The following NELL1 variants were observed in gnomAD, a reference collection of about 807,000 sequenced individuals.
NELL1 encodes the protein protein kinase C-binding protein NELL1.
NELL1 carries 76 observed loss-of-function variants against 107.4 expected under a neutral mutation model. That is an observed-to-expected ratio of 0.71 (90% CI 0.59 to 0.86). The LOEUF (loss-of-function observed/expected upper bound fraction) is 0.86. Among genes scored for constraint, NELL1 ranks in the 40% least tolerant of loss-of-function variants. The probability of loss-of-function intolerance (pLI) is 0.00; values close to 1 mark genes in which losing one functional copy is unlikely to be tolerated. For missense variants in NELL1, 1,024 were observed against 1,005.5 expected (o/e 1.02, Z -0.25); for synonymous variants, 353 against 341.2 (o/e 1.03, Z -0.38).
At chr11:21,501,923 T>C (rs1855154693) in intron 15 of NELL1, among the ~76,000 whole-genome samples, 3 of 152,198 alleles carry the variant, frequency 2.0e-5, no homozygotes, top group Admixed American at 1.3e-4. Context: ...GTTTAATCTG[T>C]TCTATTACCA....
intron 2 of NELL1, among the ~76,000 whole-genome samples, chr11:20,723,392 A>G (rs541199551): frequency 1.3e-5 from 2 of 152,304 alleles, no homozygotes; most frequent in African/African-American, 4.8e-5. Flanking sequence ...TCCAAATGGG[A>G]GACATTGGCC....
chr11:21,015,020 T>G (rs1344717682), intron 12 of NELL1, among the ~76,000 whole-genome samples: 1 of 152,146 alleles, frequency 6.6e-6, no homozygotes. Context: ...TTCACTGACT[T>G]GAACTTTGTT....
intron 13 of NELL1, among the ~76,000 whole-genome samples, chr11:21,205,717 A>G (rs891377512): frequency 1.5e-4 from 23 of 152,112 alleles, no homozygotes; most frequent in African/African-American, 5.3e-4. Context: ...CGTCCAGTTT[A>G]TATTTTTCTT....
intron 15 of NELL1, among the ~76,000 whole-genome samples, chr11:21,428,182 G>T (rs1590925312): frequency 6.6e-6 from 1 of 152,054 alleles, no homozygotes; most frequent in African/African-American, 2.4e-5. Flanking sequence ...AGGGAAGGAA[G>T]GGAGGGTTAA....
chr11:21,329,139 A>G (rs1037592833), intron 14 of NELL1, among the ~76,000 whole-genome samples: 5 of 152,138 alleles, frequency 3.3e-5, no homozygotes, highest in Non-Finnish European at 5.9e-5. Flanking sequence ...CTGTATCCTT[A>G]CCCAAATCTC....
At chr11:20,848,853 T>G (rs551193752) in intron 4 of NELL1, among the ~76,000 whole-genome samples, 1 of 152,342 alleles carries the variant, frequency 6.6e-6, no homozygotes, top group African/African-American at 2.4e-5. Context: ...AAGGGAAGGT[T>G]TGCCATCTTG....
At chr11:21,566,725 C>G (rs1856982771) in intron 17 of NELL1, among the ~76,000 whole-genome samples, 1 of 151,860 alleles carries the variant, frequency 6.6e-6, no homozygotes. Context: ...GCTCCATACT[C>G]TCCCCAAATT....
chr11:21,035,537 C>G lies in NELL1; in HGVS notation c.1300+74977C>G, dbSNP rs148602959. 4.9e-3 allele frequency among the ~76,000 whole-genome samples: 736 copies of G among 151,184 alleles called. 6 individuals carry two copies. The highest frequency in any genetic ancestry group is 0.016 in the African/African-American group (660 of 41,230). ...AGCACATCAGAAAGCTTATTCACCA[C>G]GATCAAGTAGGCTTTTTCCCTCGAA... On this transcript the variant is annotated intron_variant, in intron 12 of 19. Coordinates refer to ENST00000357134, the MANE Select transcript of NELL1 (RefSeq NM_006157.5).
chr11:20,861,015 A>C (rs986549421), intron 4 of NELL1, among the ~76,000 whole-genome samples: 6 of 152,218 alleles, frequency 3.9e-5, no homozygotes, highest in African/African-American at 1.4e-4. Flanking sequence ...GCCTCATTCA[A>C]GCCCATTAGA....
chr11:21,362,497 T>C (rs1851099965), intron 14 of NELL1, among the ~76,000 whole-genome samples: 1 of 152,210 alleles, frequency 6.6e-6, no homozygotes, highest in Non-Finnish European at 1.5e-5. Context: ...AGTTGTCACA[T>C]AGACACCCTT....
intron 2 of NELL1, among the ~76,000 whole-genome samples, chr11:20,680,837 T>G: frequency 6.6e-6 from 1 of 152,204 alleles, no homozygotes; most frequent in East Asian, 1.9e-4. Flanking sequence ...TCTTTCATTG[T>G]GTCCTCTCTC....
intron 13 of NELL1, among the ~76,000 whole-genome samples, chr11:21,144,896 T>C (rs1286894461): frequency 6.6e-6 from 1 of 152,202 alleles, no homozygotes; most frequent in African/African-American, 2.4e-5. Flanking sequence ...GTGCTCTTTA[T>C]CTCAGGCTCT....
At chr11:21,542,908 C>G (rs1345096944) in intron 16 of NELL1, among the ~76,000 whole-genome samples, 1 of 151,936 alleles carries the variant, frequency 6.6e-6, no homozygotes, top group Non-Finnish European at 1.5e-5. Context: ...TCCTGGCAGT[C>G]AGAGCAAAAT....
At chr11:21,474,358 C>T (rs1253389716) in intron 15 of NELL1, among the ~76,000 whole-genome samples, 1 of 150,652 alleles carries the variant, frequency 6.6e-6, no homozygotes, top group Non-Finnish European at 1.5e-5. Context: ...GATCTCCCAC[C>T]ACTGATTTTA....
chr11:20,839,570 G>T (rs981945590), intron 3 of NELL1, among the ~76,000 whole-genome samples: 2 of 152,184 alleles, frequency 1.3e-5, no homozygotes, highest in African/African-American at 4.8e-5. Context: ...TAGGCAGTTT[G>T]TAAGGCAATT....
At chr11:21,244,705 T>A (rs1245692108) in intron 14 of NELL1, among the ~76,000 whole-genome samples, 1 of 152,156 alleles carries the variant, frequency 6.6e-6, no homozygotes, top group Non-Finnish European at 1.5e-5. Context: ...TGCCTGTCTC[T>A]TCCAGGATAG....
chr11:21,162,728 C>T (rs2133802241), intron 13 of NELL1, among the ~76,000 whole-genome samples: 1 of 152,242 alleles, frequency 6.6e-6, no homozygotes, highest in East Asian at 1.9e-4. Context: ...GGTGGTGTCT[C>T]ATACAGAGAA....
intron 12 of NELL1, among the ~76,000 whole-genome samples, chr11:21,026,717 CA>C (rs2134310540): frequency 6.6e-6 from 1 of 152,214 alleles, no homozygotes; most frequent in African/African-American, 2.4e-5. Flanking sequence ...TTGTGTTGAG[CA>C]GTCTACATTC....
chr11:21,464,535 C>T (rs1180159444), intron 15 of NELL1, among the ~76,000 whole-genome samples: 1 of 151,980 alleles, frequency 6.6e-6, no homozygotes, highest in African/African-American at 2.4e-5. Flanking sequence ...ATCTTGATCA[C>T]TTAAATTCTG....
Sources: allele counts gnomAD v4.1 joint callset (sites outside exome capture counted in the v4.1 genomes callset), GRCh38; gene constraint gnomAD v4.1.1; transcripts MANE v1.5; gene names NCBI Gene and HGNC (gene_info 2026-07-23, HGNC 2026-07-21).